COL6A5: variants seen among roughly 807,000 people sequenced by gnomAD.
COL6A5 encodes collagen type VI alpha 5 chain, also known as collagen alpha-5(VI) chain.
COL6A5 carries 48 observed loss-of-function variants against 65.6 expected under a neutral mutation model. The ratio of observed to expected loss-of-function variants is 0.73; its 90% CI spans 0.58 to 0.93. COL6A5 has a LOEUF of 0.93. Among genes scored for constraint, COL6A5 ranks in the 40% least tolerant of loss-of-function variants. The pLI, the probability that COL6A5 is intolerant of heterozygous loss-of-function variation, is 0.00. For synonymous variants in COL6A5, 291 were observed against 322.8 expected, an observed-to-expected ratio of 0.90 and a Z score of 1.05; for missense variants, 914 against 928.3, an observed-to-expected ratio of 0.98 and a Z score of 0.20.
At chr3:130,380,655 G>A (rs1181043134) in intron 4 of COL6A5, among the ~76,000 whole-genome samples, 3 of 152,130 alleles carry the variant, frequency 2.0e-5, no homozygotes, top group Non-Finnish European at 4.4e-5. Flanking sequence ...TGGCTAGTGT[G>A]ATGGAGGAAC....
At chr3:130,370,263 A>G (rs1935505956) in intron 1 of COL6A5, among the ~76,000 whole-genome samples, 1 of 152,168 alleles carries the variant, frequency 6.6e-6, no homozygotes, top group Admixed American at 6.5e-5. Flanking sequence ...GGCATGGGAA[A>G]CTTTGAATTT....
chr3:130,445,998 C>A (rs1042366256), intron 4 of COL6A5, among the ~76,000 whole-genome samples: 1 of 152,108 alleles, frequency 6.6e-6, no homozygotes, highest in African/African-American at 2.4e-5. Context: ...TCCCATTACT[C>A]CTCCTTTCAT....
chr3:130,399,959 G>T (rs1245114301), intron 10 of COL6A5, among the ~76,000 whole-genome samples: 2 of 150,832 alleles, frequency 1.3e-5, no homozygotes, highest in Non-Finnish European at 3.0e-5. Context: ...GTTTTTCCAT[G>T]TTGTTGACCA....
exon 2 of COL6A5, chr3:130,439,546 G>C (rs769896428): frequency 6.4e-7 from 1 of 1,550,902 alleles, no homozygotes; most frequent in Admixed American, 2.0e-5. Flanking sequence ...AACATTTCAG[G>C]TGATTCCAGT....
chr3:130,348,826 G>A (rs1478405570), intron 1 of COL6A5, among the ~76,000 whole-genome samples: 1 of 152,204 alleles, frequency 6.6e-6, no homozygotes, highest in Non-Finnish European at 1.5e-5. Context: ...TAACTGGCGT[G>A]AGATGGTATC....
intron 1 of COL6A5, among the ~76,000 whole-genome samples, chr3:130,366,795 A>G (rs958543455): frequency 3.9e-5 from 6 of 152,168 alleles, no homozygotes; most frequent in African/African-American, 1.2e-4. Context: ...TGCACCTACT[A>G]TGGGGTAGGC....
chr3:130,401,066 A>G (rs988501126), exon 11 of COL6A5: 12 of 1,551,282 alleles, frequency 7.7e-6, no homozygotes, highest in South Asian at 1.2e-5. Context: ...CCTTAACACA[A>G]CTGCTCATCA....
rs375962998 is a variant in COL6A5, at chr3:130,376,262, C to T, written c.93C>T (p.Val31=). The T allele has an allele frequency of 6.3e-4, 1,014 of 1,607,912 alleles. 1 individual carries two copies. Among genetic ancestry groups the T allele is most frequent in the Non-Finnish European group, 8.1e-4 (948 of 1,176,962 alleles). The change falls in exon 3 of 42, where the codon GTC becomes GTT. Residue 31 remains valine (V), a synonymous_variant and NMD_transcript_variant. Coordinates refer to the COL6A5 transcript ENST00000312481. ...GGCCAGGCCCTGTGTATGCAGATGT[C>T]GTGTTTCTGGTGGACAGCTCCGATC...
At chr3:130,403,561 T>G in intron 12 of COL6A5, 48 bp from the exon 13 acceptor site, 5 of 1,384,328 alleles carry the variant, frequency 3.6e-6, no homozygotes, top group Non-Finnish European at 4.8e-6. Flanking sequence ...AAGTTTGACT[T>G]TATTGGGGGG....
At chr3:130,372,504 A>G (rs1935605753) in intron 1 of COL6A5, among the ~76,000 whole-genome samples, 1 of 152,138 alleles carries the variant, frequency 6.6e-6, no homozygotes, top group Non-Finnish European at 1.5e-5. Flanking sequence ...AAAAGAATTA[A>G]GTACTGATAC....
Position 130,351,450 on chromosome 3 carries a change from C to G in COL6A5, c.-29+5469C>G, listed in dbSNP as rs375883449. 5.9e-5 allele frequency among the ~76,000 whole-genome samples: 9 copies of G among 152,242 alleles called. No homozygotes were observed. In the East Asian group the frequency reaches 1.2e-3, roughly 20 times the overall value. On this transcript the variant is annotated intron_variant and NMD_transcript_variant, in intron 1 of 41. Coordinates refer to the COL6A5 transcript ENST00000312481. ...GTTAATATCCAGAATCTACAAAGAA[C>G]TTAAACAAATTTACAAGAAAAAAAC... is the stretch of plus-strand genomic sequence containing the variant.
chr3:130,407,205 A>G (rs1350375903), intron 17 of COL6A5, among the ~76,000 whole-genome samples: 1 of 152,120 alleles, frequency 6.6e-6, no homozygotes, highest in Non-Finnish European at 1.5e-5. Context: ...CAAAAACATG[A>G]GGGTTCAGGG....
intron 4 of COL6A5, among the ~76,000 whole-genome samples, chr3:130,382,830 T>C (rs1936054175): frequency 6.6e-6 from 1 of 152,136 alleles, no homozygotes; most frequent in Non-Finnish European, 1.5e-5. Context: ...AAGCGACTGA[T>C]GTATAGAAAA....
intron 27 of COL6A5, 66 bp from the exon 28 acceptor site, chr3:130,422,654 G>GTTT: frequency 1.1e-6 from 1 of 935,846 alleles, no homozygotes; most frequent in East Asian, 3.0e-5. Context: ...AGTCCAGAGA[G>GTTT]TTTTTTTTTT....
At chr3:130,452,057 C>T (rs924831334) in intron 4 of COL6A5, among the ~76,000 whole-genome samples, 3 of 152,216 alleles carry the variant, frequency 2.0e-5, no homozygotes, top group Non-Finnish European at 2.9e-5. Flanking sequence ...ATAGAGTGAC[C>T]GTATTTTCCA....
At chr3:130,398,097 G>C (rs1559879197) in exon 10 of COL6A5, 1 of 1,543,472 alleles carries the variant, frequency 6.5e-7, no homozygotes, top group African/African-American at 1.4e-5. Context: ...CAATCAGACA[G>C]GCTCAGAGAA....
chr3:130,419,043 G>T, intron 25 of COL6A5, 112 bp downstream of exon 25: 2 of 809,276 alleles, frequency 2.5e-6, no homozygotes, highest in Non-Finnish European at 2.1e-6. Flanking sequence ...AGGTATTTCA[G>T]CATCTAGGAA....
At chr3:130,400,211 A>G (rs753491982) in intron 10 of COL6A5, among the ~76,000 whole-genome samples, 13 of 151,676 alleles carry the variant, frequency 8.6e-5, no homozygotes, top group Non-Finnish European at 1.6e-4. Flanking sequence ...TTCAACATCA[A>G]TTTTTCCAAG....
intron 1 of COL6A5, among the ~76,000 whole-genome samples, chr3:130,363,977 A>ATTTTCAG (rs1487077257): frequency 6.6e-6 from 1 of 152,124 alleles, no homozygotes; most frequent in African/African-American, 2.4e-5. Context: ...AAAATTGTTA[A>ATTTTCAG]TTTTCAGTTT....
Sources: allele counts gnomAD v4.1 joint callset (sites outside exome capture counted in the v4.1 genomes callset), GRCh38; gene constraint gnomAD v4.1.1; transcripts MANE v1.5; gene names NCBI Gene and HGNC (gene_info 2026-07-23, HGNC 2026-07-21).